The following NECAB1 variants were observed in gnomAD, a reference collection of about 807,000 sequenced individuals.
The protein encoded by NECAB1 is N-terminal EF-hand calcium-binding protein 1.
In NECAB1, 29 loss-of-function variants were observed where a neutral mutation model predicts 57.5. The ratio of observed to expected loss-of-function variants is 0.50; its 90% CI spans 0.38 to 0.69. The LOEUF (loss-of-function observed/expected upper bound fraction) is 0.69, where lower values mean the gene tolerates loss of function less well. Ranked by LOEUF, NECAB1 falls within the 30% of genes least tolerant of loss-of-function variation. The pLI, the probability that NECAB1 is intolerant of heterozygous loss-of-function variation, is 0.00. For synonymous variants in NECAB1, 142 were observed against 147.7 expected (o/e 0.96, Z 0.28); for missense variants, 372 against 413.8 (o/e 0.90, Z 0.88).
chr8:90,821,498 A>G (rs1181925971), intron 2 of NECAB1, among the ~76,000 whole-genome samples: 1 of 151,588 alleles, frequency 6.6e-6, no homozygotes, highest in South Asian at 2.1e-4. Flanking sequence ...TTTTCTTTTC[A>G]GTTTCCAACC....
chr8:90,889,054 G>A (rs565677665), intron 5 of NECAB1, among the ~76,000 whole-genome samples: 1 of 152,202 alleles, frequency 6.6e-6, no homozygotes, highest in South Asian at 2.1e-4. Flanking sequence ...TGTACATGCA[G>A]GTTTCAGAAT....
At chr8:90,949,146 TTGTG>T (rs59311652) in intron 10 of NECAB1, among the ~76,000 whole-genome samples, 14,859 of 129,764 alleles carry the variant, frequency 0.11, 611 homozygotes, top group African/African-American at 0.16. Context: ...AACAGGCACT[TTGTG>T]TGTGTGTGTG....
At chr8:90,799,074 G>C (rs144639223) in intron 1 of NECAB1, among the ~76,000 whole-genome samples, 2 of 151,932 alleles carry the variant, frequency 1.3e-5, no homozygotes, top group African/African-American at 4.8e-5. Flanking sequence ...GCATTTTTTC[G>C]TATGTTTGTT....
intron 6 of NECAB1, among the ~76,000 whole-genome samples, chr8:90,918,286 A>G (rs546520503): frequency 6.6e-6 from 1 of 151,996 alleles, no homozygotes; most frequent in Admixed American, 6.6e-5. Flanking sequence ...TGCTGGGATT[A>G]CAGGTGTAAG....
intron 5 of NECAB1, among the ~76,000 whole-genome samples, chr8:90,913,575 T>C (rs1450249203): frequency 1.3e-5 from 2 of 152,130 alleles, no homozygotes; most frequent in African/African-American, 4.8e-5. Context: ...CAAATACAGG[T>C]TTTGCTCAAA....
intron 5 of NECAB1, among the ~76,000 whole-genome samples, chr8:90,889,354 T>C (rs1274987676): frequency 6.6e-6 from 1 of 152,196 alleles, no homozygotes; most frequent in Non-Finnish European, 1.5e-5. Flanking sequence ...TGGATAGCGA[T>C]CTTAAGTTGA....
chr8:90,846,470 A>C (rs1372756106), intron 3 of NECAB1, among the ~76,000 whole-genome samples: 1 of 152,228 alleles, frequency 6.6e-6, no homozygotes, highest in African/African-American at 2.4e-5. Flanking sequence ...TGTTTAGATA[A>C]AACTGCAATA....
intron 6 of NECAB1, among the ~76,000 whole-genome samples, chr8:90,919,475 C>T (rs1810053641): frequency 6.6e-6 from 1 of 152,056 alleles, no homozygotes; most frequent in Admixed American, 6.5e-5. Context: ...GAGTGAGCAC[C>T]ACCAACTTCT....
At chr8:90,839,865 A>G (rs1221961680) in intron 3 of NECAB1, among the ~76,000 whole-genome samples, 1 of 152,166 alleles carries the variant, frequency 6.6e-6, no homozygotes, top group South Asian at 2.1e-4. Context: ...TAAACCTGGG[A>G]GTGACTGGAT....
intron 3 of NECAB1, among the ~76,000 whole-genome samples, chr8:90,857,370 C>G (rs906427899): frequency 5.9e-5 from 9 of 152,014 alleles, no homozygotes; most frequent in Admixed American, 3.9e-4. Flanking sequence ...AGACACAGTG[C>G]GAAACAGCCA....
intron 3 of NECAB1, among the ~76,000 whole-genome samples, chr8:90,829,584 T>C (rs1324371897): frequency 6.6e-6 from 1 of 151,776 alleles, no homozygotes; most frequent in Non-Finnish European, 1.5e-5. Flanking sequence ...CAGATGGGAG[T>C]CTGTGGCTAG....
At chr8:90,839,603 G>A (rs1381087776) in intron 3 of NECAB1, among the ~76,000 whole-genome samples, 1 of 151,136 alleles carries the variant, frequency 6.6e-6, no homozygotes, top group Non-Finnish European at 1.5e-5. Context: ...GTTTTACTAA[G>A]AAGAGGTATG....
chr8:90,929,739 T>C (rs921712836), intron 8 of NECAB1, among the ~76,000 whole-genome samples: 1 of 152,194 alleles, frequency 6.6e-6, no homozygotes, highest in Non-Finnish European at 1.5e-5. Flanking sequence ...TAAATGCTGA[T>C]AAGCTAACAA....
intron 6 of NECAB1, among the ~76,000 whole-genome samples, chr8:90,924,005 A>G (rs1181450867): frequency 6.6e-6 from 1 of 152,230 alleles, no homozygotes; most frequent in Non-Finnish European, 1.5e-5. Context: ...GATAGAACAG[A>G]TCAAGAGCTC....
intron 12 of NECAB1, 141 bp downstream of exon 12, chr8:90,951,345 G>A (rs1810921636): frequency 1.9e-6 from 1 of 537,468 alleles, no homozygotes; most frequent in African/African-American, 2.0e-5. Flanking sequence ...TATGATTTGA[G>A]ATTGGGGGGA....
At chr8:90,920,638 T>A (rs1810086107) in intron 6 of NECAB1, among the ~76,000 whole-genome samples, 1 of 152,200 alleles carries the variant, frequency 6.6e-6, no homozygotes, top group Admixed American at 6.5e-5. Context: ...TCACTTCTCC[T>A]CGTCTGTCTT....
intron 6 of NECAB1, among the ~76,000 whole-genome samples, chr8:90,924,401 C>T (rs1810207013): frequency 6.6e-6 from 1 of 152,052 alleles, no homozygotes; most frequent in South Asian, 2.1e-4. Flanking sequence ...CAGAGGTCAT[C>T]CAACACAGGA....
chr8:90,896,474 G>C (rs1252616098), intron 5 of NECAB1, among the ~76,000 whole-genome samples: 2 of 151,852 alleles, frequency 1.3e-5, no homozygotes, highest in African/African-American at 4.8e-5. Context: ...GCGTGGTGGC[G>C]GGTGCCTGTA....
At chr8:90,851,113 G>T (rs530171172) in intron 3 of NECAB1, among the ~76,000 whole-genome samples, 1 of 152,170 alleles carries the variant, frequency 6.6e-6, no homozygotes, top group Admixed American at 6.5e-5. Flanking sequence ...ACAGCATCCA[G>T]GTTTGTGAAC....
Sources: allele counts gnomAD v4.1 joint callset (sites outside exome capture counted in the v4.1 genomes callset), GRCh38; gene constraint gnomAD v4.1.1; transcripts MANE v1.5; gene names NCBI Gene and HGNC (gene_info 2026-07-23, HGNC 2026-07-21).